Variants in CADM2 observed in about 807,000 individuals in gnomAD.
CADM2 encodes the protein immunoglobulin superfamily member 4D.
Under a neutral mutation model 49.8 loss-of-function variants are expected in CADM2, and 12 were observed. That is an observed-to-expected ratio of 0.24 (90% CI 0.15 to 0.39). The LOEUF is 0.39. Among genes scored for constraint, CADM2 ranks in the 10% least tolerant of loss-of-function variants. CADM2 has a pLI of 1.00. For synonymous variants in CADM2, 214 were observed against 175.4 expected (o/e 1.22, Z -1.74); for missense variants, 378 against 492.3 (o/e 0.77, Z 2.20).
chr3:85,881,034 T>G (rs1712681557), intron 3 of CADM2, among the ~76,000 whole-genome samples: 1 of 152,154 alleles, frequency 6.6e-6, no homozygotes, highest in South Asian at 2.1e-4. Context: ...TGATGGATAT[T>G]TTGTTATTGT....
At chr3:85,418,745 T>C (rs1378202155) in intron 1 of CADM2, among the ~76,000 whole-genome samples, 1 of 152,172 alleles carries the variant, frequency 6.6e-6, no homozygotes, top group Admixed American at 6.5e-5. Flanking sequence ...TTTACATGTA[T>C]ACTTCACTCT....
intron 1 of CADM2, among the ~76,000 whole-genome samples, chr3:84,989,060 A>G (rs2032747487): frequency 1.3e-5 from 2 of 152,142 alleles, no homozygotes; most frequent in Admixed American, 1.3e-4. Context: ...CTGGAATTCC[A>G]TTTCTGCCTT....
At chr3:85,571,550 C>G (rs2062476902) in intron 1 of CADM2, among the ~76,000 whole-genome samples, 1 of 152,112 alleles carries the variant, frequency 6.6e-6, no homozygotes, top group African/African-American at 2.4e-5. Flanking sequence ...AACTTGGTCA[C>G]TTAAAATAGT....
intron 8 of CADM2, among the ~76,000 whole-genome samples, chr3:86,056,049 AC>A (rs1737948990): frequency 6.6e-6 from 1 of 152,136 alleles, no homozygotes; most frequent in African/African-American, 2.4e-5. Context: ...CAATCCAAAA[AC>A]TTATTTTATT....
chr3:85,896,431 G>A (rs753472957), intron 5 of CADM2, among the ~76,000 whole-genome samples: 7 of 152,138 alleles, frequency 4.6e-5, no homozygotes, highest in South Asian at 2.1e-4. Flanking sequence ...AATAAGAAAT[G>A]TATAAGTTTT....
intron 1 of CADM2, among the ~76,000 whole-genome samples, chr3:85,421,249 A>T (rs895994975): frequency 1.3e-5 from 2 of 152,160 alleles, no homozygotes; most frequent in Non-Finnish European, 2.9e-5. Flanking sequence ...ATATACCCTA[A>T]TTTTGTATTT....
At chr3:85,936,376 G>A (rs890671199) in intron 7 of CADM2, among the ~76,000 whole-genome samples, 13 of 151,682 alleles carry the variant, frequency 8.6e-5, no homozygotes, top group East Asian at 3.9e-4. Context: ...ATATATGCAC[G>A]TCAATGTGAT....
At chr3:85,558,153 T>C (rs2062008792) in intron 1 of CADM2, among the ~76,000 whole-genome samples, 1 of 151,948 alleles carries the variant, frequency 6.6e-6, no homozygotes, top group Non-Finnish European at 1.5e-5. Context: ...ATGTTCTCTT[T>C]GTTTCTCAAT....
intron 6 of CADM2, among the ~76,000 whole-genome samples, chr3:85,921,340 A>G (rs1418467999): frequency 1.3e-5 from 2 of 151,986 alleles, no homozygotes; most frequent in Non-Finnish European, 2.9e-5. Flanking sequence ...ACAGACATAC[A>G]CACAATTTCC....
At chr3:85,859,338 C>T (rs1222883474) in intron 3 of CADM2, among the ~76,000 whole-genome samples, 1 of 138,704 alleles carries the variant, frequency 7.2e-6, no homozygotes, top group African/African-American at 2.7e-5. Context: ...TCAAGCGATT[C>T]TCCTGCCTCA....
At chr3:85,715,908 A>G (rs528184812) in intron 1 of CADM2, among the ~76,000 whole-genome samples, 36 of 152,264 alleles carry the variant, frequency 2.4e-4, no homozygotes, top group South Asian at 1.7e-3. Context: ...TCTAACATTC[A>G]TGGGCATTTG....
intron 1 of CADM2, among the ~76,000 whole-genome samples, chr3:85,550,765 T>A (rs2107113320): frequency 6.6e-6 from 1 of 152,234 alleles, no homozygotes; most frequent in East Asian, 1.9e-4. Flanking sequence ...CTTGGTTTTC[T>A]TACTCCCCTA....
intron 1 of CADM2, among the ~76,000 whole-genome samples, chr3:85,153,341 T>C (rs972422262): frequency 4.6e-5 from 7 of 152,130 alleles, no homozygotes; most frequent in Admixed American, 3.3e-4. Context: ...ACCTGGAAAA[T>C]TGGGTCACTG....
intron 2 of CADM2, among the ~76,000 whole-genome samples, chr3:85,766,328 C>T (rs768561583): frequency 6.6e-6 from 1 of 152,046 alleles, no homozygotes; most frequent in African/African-American, 2.4e-5. Context: ...TGAAAGAGCT[C>T]TCTATTAATA....
chr3:85,936,727 GT>G, intron 7 of CADM2, among the ~76,000 whole-genome samples: 1 of 151,714 alleles, frequency 6.6e-6, no homozygotes, highest in East Asian at 1.9e-4. Context: ...TATTATTTAA[GT>G]TTCATACTAT....
chr3:85,618,413 C>T (rs778515217), intron 1 of CADM2, among the ~76,000 whole-genome samples: 83 of 151,914 alleles, frequency 5.5e-4, no homozygotes, highest in African/African-American at 1.8e-3. Context: ...AAGTAAGTAA[C>T]GAAACAGAAA....
chr3:85,009,865 CAATAAATAAATAAATAAATAAATA>C (rs34806351), intron 1 of CADM2, among the ~76,000 whole-genome samples: 33 of 140,722 alleles, frequency 2.3e-4, no homozygotes, highest in Admixed American at 1.4e-4. Context: ...GATTCTATCT[CAATAAATAAATAAATAAATAAATA>C]AATAAATAAA....
intron 1 of CADM2, among the ~76,000 whole-genome samples, chr3:85,244,401 C>G (rs187575435): frequency 1.3e-5 from 2 of 152,140 alleles, no homozygotes; most frequent in Admixed American, 1.3e-4. Context: ...ACCAAATATG[C>G]AAATCTTTCT....
intron 1 of CADM2, among the ~76,000 whole-genome samples, chr3:85,092,224 A>G (rs1398667965): frequency 2.0e-5 from 3 of 152,206 alleles, no homozygotes; most frequent in African/African-American, 7.2e-5. Flanking sequence ...AAACCTTCCT[A>G]AGTTTATGTA....
Sources: gnomAD v4.1 joint callset for allele counts (sites outside exome capture counted in the v4.1 genomes callset) on GRCh38, gnomAD v4.1.1 for gene constraint, MANE v1.5 for transcripts, NCBI Gene and HGNC (gene_info 2026-07-23, HGNC 2026-07-21) for gene names.